PFKFB4: variants seen among roughly 807,000 people sequenced by gnomAD.
The protein encoded by PFKFB4 is 6-phosphofructo-2-kinase/fructose-2,6-bisphosphatase 4.
A neutral mutation model predicts 62.8 loss-of-function variants in PFKFB4; 42 were observed. The ratio of observed to expected loss-of-function variants is 0.67; its 90% CI spans 0.52 to 0.86. The LOEUF is 0.86. Ranked by LOEUF, PFKFB4 falls within the 40% of genes least tolerant of loss-of-function variation. The pLI, the probability that PFKFB4 is intolerant of heterozygous loss-of-function variation, is 0.00. For synonymous variants in PFKFB4, 204 were observed against 240.7 expected (o/e 0.85, Z 1.41); for missense variants, 475 against 627.2 (o/e 0.76, Z 2.59).
upstream of PFKFB4, among the ~76,000 whole-genome samples, chr3:48,557,723 G>C (rs749857736): frequency 6.6e-6 from 1 of 152,060 alleles, no homozygotes. Context: ...TTTTAGTAGA[G>C]GCGGGATTTC....
chr3:48,520,504 G>A (rs1229556176), intron 13 of PFKFB4, among the ~76,000 whole-genome samples: 1 of 152,190 alleles, frequency 6.6e-6, no homozygotes, highest in Non-Finnish European at 1.5e-5. Flanking sequence ...TGCAGGAGCA[G>A]GTCACTGATG....
At chr3:48,536,723 C>T (rs757623987) in intron 7 of PFKFB4, 7 of 485,532 alleles carry the variant, frequency 1.4e-5, no homozygotes, top group Admixed American at 6.9e-5. Flanking sequence ...AGGTGACATC[C>T]AAAGTGGGGG....
chr3:48,521,190 A>G lies in PFKFB4; in HGVS notation c.1350+796T>C, dbSNP rs1247091420. ...ATCCTCAGCAGGGACCCAGAGCCCAAGCAGGCCCCATCATGGATGGCAAGA... is the reference window on the plus strand; with the variant it reads ...ATCCTCAGCAGGGACCCAGAGCCCAGGCAGGCCCCATCATGGATGGCAAGA... On this transcript the variant is annotated intron_variant, in intron 13 of 13. Coordinates refer to ENST00000232375, the MANE Select transcript of PFKFB4 (RefSeq NM_004567.4). The surrounding 1 kb of genome is among the most constrained non-coding windows in gnomAD (Gnocchi z 5.3). Among the ~76,000 whole-genome samples, 1 of 152,162 alleles carries G rather than the reference A, an allele frequency of 6.6e-6. No homozygotes were observed. The highest frequency in any genetic ancestry group is 1.5e-5 in the Non-Finnish European group (1 of 68,022).
intron 10 of PFKFB4, among the ~76,000 whole-genome samples, chr3:48,524,792 G>C (rs918954730): frequency 1.3e-5 from 2 of 152,170 alleles, no homozygotes; most frequent in East Asian, 3.8e-4. Context: ...TTGACGGGGT[G>C]TATTTTTATT....
intron 9 of PFKFB4, among the ~76,000 whole-genome samples, chr3:48,530,956 C>T (rs561231203): frequency 1.8e-4 from 28 of 152,286 alleles, no homozygotes; most frequent in Middle Eastern, 6.8e-3. Flanking sequence ...ATCCACCCAC[C>T]TCAGTCTCCC....
upstream of PFKFB4, chr3:48,562,554 A>G (rs2043448742): frequency 3.6e-6 from 2 of 555,174 alleles, no homozygotes; most frequent in Admixed American, 7.2e-5. This position sits in a 1 kb window ranked among gnomAD's most constrained non-coding sequence, Gnocchi z 4.3. Context: ...CCAACTTAGC[A>G]ATGTCCAATG....
At chr3:48,549,838 C>A (rs761529557) in intron 3 of PFKFB4, 26 bp downstream of exon 3, 1 of 1,415,576 alleles carries the variant, frequency 7.1e-7, no homozygotes, top group Non-Finnish European at 1.0e-6. Flanking sequence ...GCAACCTCTC[C>A]CCCCACACCC....
chr3:48,526,940 CAAAA>C (rs777088751), intron 9 of PFKFB4, among the ~76,000 whole-genome samples: 4 of 65,690 alleles, frequency 6.1e-5, no homozygotes, highest in African/African-American at 6.1e-5. Context: ...GACTCCATCT[CAAAA>C]AAAAAAAAAA....
intron 1 of PFKFB4, among the ~76,000 whole-genome samples, chr3:48,554,269 C>CT: frequency 6.6e-6 from 1 of 152,342 alleles, no homozygotes; most frequent in East Asian, 1.9e-4. Context: ...GTCACTCAAC[C>CT]TACAAGTCTA....
chr3:48,556,358 A>G lies in PFKFB4; in HGVS notation c.97+323T>C. 1.9e-6 allele frequency: 1 copy of G among 532,366 alleles called. No individual in the cohort carries two copies. The highest frequency in any genetic ancestry group is 3.7e-5 in the East Asian group (1 of 26,976). 33.0% of individuals were successfully genotyped at this position (532,366 alleles called of 1,614,324 possible). A position where few individuals can be genotyped will look rare whatever the true frequency, so the allele number is the denominator to read the frequency against. ...CTGGGGTGCCCACAGGGTCCTCCCC[A>G]GACTGGGGGCGATGGGGATTGGAGA... On this transcript the variant is annotated intron_variant, in intron 1 of 13. Coordinates refer to ENST00000232375, the MANE Select transcript of PFKFB4 (RefSeq NM_004567.4). The surrounding 1 kb of genome is among the most constrained non-coding windows in gnomAD (Gnocchi z 5.7).
chr3:48,537,555 A>C (rs1575378255), intron 7 of PFKFB4, among the ~76,000 whole-genome samples: 2 of 118,398 alleles, frequency 1.7e-5, no homozygotes, highest in East Asian at 2.4e-4. Flanking sequence ...ACAGGGTCTC[A>C]CTCTGTCACC....
chr3:48,549,131 G>A (rs762431047), intron 3 of PFKFB4, among the ~76,000 whole-genome samples: 1 of 152,206 alleles, frequency 6.6e-6, no homozygotes, highest in Non-Finnish European at 1.5e-5. Flanking sequence ...AGCACAGCAT[G>A]GCTGCTCAGA....
chr3:48,545,831 T>C lies in PFKFB4; in HGVS notation c.312-2185A>G, dbSNP rs557166545. Among the ~76,000 whole-genome samples the C allele has an allele frequency of 1.1e-4, 16 of 152,298 alleles. No individual in the cohort carries two copies. The South Asian group carries it at 3.3e-3, about 32-fold the overall frequency. On this transcript the variant is annotated intron_variant, in intron 3 of 13. Coordinates refer to ENST00000232375, the MANE Select transcript of PFKFB4 (RefSeq NM_004567.4). ...AAGCCTCAAAGTGCTTTCTTCCTCA[T>C]GCCAAAAACATCTGAATTCTGAGAG...
In PFKFB4 at chr3:48,519,713, G is replaced by C; in HGVS notation, c.*34C>G. Reference sequence around the variant, plus strand: ...GGAATGACCCCCTCTGCAGAGAGCAGTGCCTGCCTAGTGGTCACAGTGGAT... The same window carrying C: ...GGAATGACCCCCTCTGCAGAGAGCACTGCCTGCCTAGTGGTCACAGTGGAT... On this transcript the variant is annotated 3_prime_UTR_variant, in exon 14 of 14. Transcript: ENST00000232375. 1 of 1,554,882 alleles carries C rather than the reference G, an allele frequency of 6.4e-7. No homozygotes were observed. Among genetic ancestry groups the C allele is most frequent in the Non-Finnish European group, 8.9e-7 (1 of 1,127,054 alleles).
upstream of PFKFB4, chr3:48,562,678 G>T: frequency 9.0e-7 from 1 of 1,105,356 alleles, no homozygotes; most frequent in Non-Finnish European, 1.3e-6. This position sits in a 1 kb window ranked among gnomAD's most constrained non-coding sequence, Gnocchi z 4.3. Flanking sequence ...ATGTGGCAGC[G>T]TCCAGACACT....
At chr3:48,544,035 G>A (rs772173165) in intron 3 of PFKFB4, among the ~76,000 whole-genome samples, 1 of 131,798 alleles carries the variant, frequency 7.6e-6, no homozygotes, top group Non-Finnish European at 1.5e-5. Flanking sequence ...TTTTTTTTGA[G>A]ACTGAGTCTC....
chr3:48,557,226 G>C (rs763933676), upstream of PFKFB4, among the ~76,000 whole-genome samples: 2 of 152,186 alleles, frequency 1.3e-5, no homozygotes, highest in Non-Finnish European at 2.9e-5. Context: ...CTACCTCCTT[G>C]CTAGGGAGCC....
intron 6 of PFKFB4, among the ~76,000 whole-genome samples, chr3:48,539,001 C>T (rs2042718415): frequency 6.6e-6 from 1 of 152,102 alleles, no homozygotes; most frequent in South Asian, 2.1e-4. Flanking sequence ...CTCACCCACC[C>T]TTCCACCCCT....
At chr3:48,531,620 CA>C (rs77193572) in intron 9 of PFKFB4, among the ~76,000 whole-genome samples, 1 of 148,362 alleles carries the variant, frequency 6.7e-6, no homozygotes, top group Admixed American at 6.7e-5. Context: ...CGCACCCGGC[CA>C]AAAAAAAATT....
Sources: allele counts gnomAD v4.1 joint callset (sites outside exome capture counted in the v4.1 genomes callset), GRCh38; gene constraint gnomAD v4.1.1; non-coding constraint Gnocchi (gnomAD v3.1); transcripts MANE v1.5; gene names NCBI Gene and HGNC (gene_info 2026-07-23, HGNC 2026-07-21).